GALNT10: variants seen among roughly 807,000 people sequenced by gnomAD.
The protein encoded by GALNT10 is polypeptide N-acetylgalactosaminyltransferase 10.
GALNT10 carries 41 observed loss-of-function variants against 75.0 expected under a neutral mutation model. The observed-to-expected ratio is 0.55, with a 90% CI of 0.43 to 0.71. The LOEUF is 0.71. Ranked by LOEUF, GALNT10 falls within the 30% of genes least tolerant of loss-of-function variation. The pLI is 0.00. For synonymous variants in GALNT10, 302 were observed against 313.0 expected, an observed-to-expected ratio of 0.96 and a Z score of 0.37; for missense variants, 727 against 818.5, an observed-to-expected ratio of 0.89 and a Z score of 1.36.
intron 1 of GALNT10, among the ~76,000 whole-genome samples, chr5:154,270,447 A>T (rs1450867267): frequency 6.6e-6 from 1 of 151,982 alleles, no homozygotes; most frequent in Non-Finnish European, 1.5e-5. Flanking sequence ...GGCCTTTTAC[A>T]GAACAATAAG....
At chr5:154,396,122 T>C (rs1316995120) in intron 7 of GALNT10, among the ~76,000 whole-genome samples, 1 of 152,212 alleles carries the variant, frequency 6.6e-6, no homozygotes, top group African/African-American at 2.4e-5. Context: ...GTATCTTTGG[T>C]CCACCCTTGG....
chr5:154,349,887 G>A (rs1046960232), intron 4 of GALNT10, among the ~76,000 whole-genome samples: 4 of 152,068 alleles, frequency 2.6e-5, no homozygotes, highest in African/African-American at 9.7e-5. Flanking sequence ...TGAATTCCAG[G>A]AGCTGTGTTG....
At chr5:154,279,228 A>C (rs1265434249) in intron 1 of GALNT10, among the ~76,000 whole-genome samples, 1 of 152,016 alleles carries the variant, frequency 6.6e-6, no homozygotes. Context: ...TCCACTTTTT[A>C]AATTATAGCT....
intron 1 of GALNT10, among the ~76,000 whole-genome samples, chr5:154,283,890 GT>G (rs1754077747): frequency 6.6e-6 from 1 of 152,176 alleles, no homozygotes. Context: ...GATGGGTCCT[GT>G]CCCCTGACCA....
intron 4 of GALNT10, among the ~76,000 whole-genome samples, chr5:154,353,292 C>A (rs575744033): frequency 6.7e-6 from 1 of 149,754 alleles, no homozygotes; most frequent in South Asian, 2.1e-4. Flanking sequence ...AATGACACCA[C>A]CCCCCGCAAA....
intron 4 of GALNT10, among the ~76,000 whole-genome samples, chr5:154,360,720 A>G (rs1755372732): frequency 1.3e-5 from 2 of 152,148 alleles, no homozygotes; most frequent in African/African-American, 2.4e-5. Context: ...GTCAAAAGAA[A>G]CTTCACCCTT....
chr5:154,387,610 C>T (rs1755825619), intron 7 of GALNT10: 1 of 152,154 alleles, frequency 6.6e-6, no homozygotes, highest in African/African-American at 2.4e-5. Flanking sequence ...GGCAAGGAAT[C>T]CTCACCTCAC....
At chr5:154,287,287 T>A (rs1754125045) in intron 1 of GALNT10, among the ~76,000 whole-genome samples, 1 of 152,218 alleles carries the variant, frequency 6.6e-6, no homozygotes, top group Admixed American at 6.5e-5. Context: ...GTCTTATTGC[T>A]CGTGACTCAC....
intron 1 of GALNT10, among the ~76,000 whole-genome samples, chr5:154,191,669 G>A (rs890026178): frequency 7.2e-5 from 11 of 152,216 alleles, no homozygotes; most frequent in African/African-American, 2.4e-4. Context: ...TGGAGAAGGG[G>A]GTAAGCTCCT....
At position 154,409,790 on chromosome 5, in the gene GALNT10, A is replaced by G. The variant is rs781462227; in HGVS notation, c.1386+28A>G. 1.2e-4 allele frequency: 174 copies of G among 1,453,208 alleles called. No homozygotes were observed. Among genetic ancestry groups the G allele is most frequent in the Non-Finnish European group, 1.0e-4 (104 of 1,033,728 alleles). 90.0% of individuals were successfully genotyped at this position (1,453,208 alleles called of 1,614,324 possible). A position where few individuals can be genotyped will look rare whatever the true frequency, so the allele number is the denominator to read the frequency against. On this transcript the variant is annotated intron_variant, in intron 9 of 11. Transcript: ENST00000297107. This position sits in a 1 kb window ranked among gnomAD's most constrained non-coding sequence, Gnocchi z 4.5. ...GAGTCTGGAGGGCAGGGCTGGCTCCATAATTTAATGGGTGTGCAAAATGCA... is the reference window on the plus strand; with the variant it reads ...GAGTCTGGAGGGCAGGGCTGGCTCCGTAATTTAATGGGTGTGCAAAATGCA...
intron 1 of GALNT10, among the ~76,000 whole-genome samples, chr5:154,213,401 A>G (rs929723130): frequency 3.9e-5 from 6 of 152,142 alleles, no homozygotes; most frequent in Non-Finnish European, 8.8e-5. Flanking sequence ...GAGGATATCA[A>G]TGCTTTGAGG....
intron 1 of GALNT10, chr5:154,219,810 G>GCA (rs1561632419): frequency 3.2e-5 from 3 of 93,706 alleles, no homozygotes; most frequent in Non-Finnish European, 4.3e-5. Flanking sequence ...ACACTCTCTC[G>GCA]CGCTCTCTCT....
At chr5:154,214,813 A>G (rs1303400210) in intron 1 of GALNT10, among the ~76,000 whole-genome samples, 1 of 152,206 alleles carries the variant, frequency 6.6e-6, no homozygotes, top group Non-Finnish European at 1.5e-5. Context: ...GAGGAGGAGG[A>G]AAATGTCAGA....
chr5:154,264,305 TC>T (rs1252981989), intron 1 of GALNT10, among the ~76,000 whole-genome samples: 26 of 115,926 alleles, frequency 2.2e-4, no homozygotes, highest in African/African-American at 9.9e-4. Context: ...AGAGCAAGAC[TC>T]TGTCTCCAAA....
At chr5:154,331,851 C>G (rs6881202) in intron 4 of GALNT10, among the ~76,000 whole-genome samples, 32,450 of 152,088 alleles carry the variant, frequency 0.21, 3,724 homozygotes, top group African/African-American at 0.3. Flanking sequence ...ATAATAGCAG[C>G]CCCCATTTTG....
rs527318995 is a variant in GALNT10, at chr5:154,214,474, A to G, written c.159+23449A>G. On this transcript the variant is annotated intron_variant, in intron 1 of 11. Coordinates refer to ENST00000297107, the MANE Select transcript of GALNT10 (RefSeq NM_198321.4). ...ATAGAGCCTAATTTGGAAAAAGGAG[A>G]AAAAAAACCCCAAACCTCCTCCCTT... 1.7e-3 allele frequency among the ~76,000 whole-genome samples: 259 copies of G among 152,076 alleles called. 3 individuals are homozygous for G. Among genetic ancestry groups the G allele is most frequent in the African/African-American group, 6.0e-3 (247 of 41,492 alleles).
At chr5:154,203,335 T>C (rs1032659509) in intron 1 of GALNT10, among the ~76,000 whole-genome samples, 6 of 152,180 alleles carry the variant, frequency 3.9e-5, no homozygotes, top group Non-Finnish European at 5.9e-5. Flanking sequence ...AAAGAAGCCA[T>C]AAGCCTACCA....
At chr5:154,236,317 C>T (rs1753245830) in intron 1 of GALNT10, among the ~76,000 whole-genome samples, 1 of 152,218 alleles carries the variant, frequency 6.6e-6, no homozygotes, top group South Asian at 2.1e-4. Context: ...ATGCCCAGCT[C>T]AGTGCCTGAC....
chr5:154,194,453 G>A (rs570485933), intron 1 of GALNT10, among the ~76,000 whole-genome samples: 1 of 152,304 alleles, frequency 6.6e-6, no homozygotes, highest in East Asian at 1.9e-4. Context: ...ATGCCCAGGT[G>A]AAATCTGATG....
Sources: allele counts gnomAD v4.1 joint callset (sites outside exome capture counted in the v4.1 genomes callset), GRCh38; gene constraint gnomAD v4.1.1; non-coding constraint Gnocchi (gnomAD v3.1); transcripts MANE v1.5; gene names NCBI Gene and HGNC (gene_info 2026-07-23, HGNC 2026-07-21).